Variants in TTC7A observed in about 807,000 individuals in gnomAD.
The protein encoded by TTC7A is tetratricopeptide repeat protein 7A.
Under a neutral mutation model 103.7 loss-of-function variants are expected in TTC7A, and 110 were observed. The observed-to-expected ratio is 1.06, with a 90% CI of 0.91 to 1.24. The LOEUF is 1.24. TTC7A is among the 50% of genes most tolerant of loss of function. The probability of loss-of-function intolerance (pLI) is 0.00; values close to 1 mark genes in which losing one functional copy is unlikely to be tolerated. For synonymous variants in TTC7A, 521 were observed against 467.9 expected (o/e 1.11, Z -1.47); for missense variants, 1,340 against 1,116.3 (o/e 1.20, Z -2.86).
chr2:47,066,022 C>A (rs1489615510), intron 19 of TTC7A: 1 of 152,184 alleles, frequency 6.6e-6, no homozygotes, highest in Non-Finnish European at 1.5e-5. Context: ...GTCAGGCACC[C>A]CAGCAGTAGT....
rs1403225634 is a variant in TTC7A at position 46,956,856 on chromosome 2, G to A, written c.366G>A (p.Glu122=). Residue 122 remains glutamate, a synonymous_variant, in exon 3 of 20, where the codon GAG becomes GAA. Coordinates refer to ENST00000319190, the MANE Select transcript of TTC7A (RefSeq NM_020458.4). The part of the protein sequence containing the change: ...HGRLSPQYMC[E]AMLILGKLHY... ...CATTTCAGCCACAGTACATGTGTGA[G>A]GCCATGCTGATCCTGGGCAAACTGC... The A allele has an allele frequency of 1.9e-6, 3 of 1,614,218 alleles. No homozygotes were observed. Among genetic ancestry groups the A allele is most frequent in the Admixed American group, 1.7e-5 (1 of 60,026 alleles).
intron 2 of TTC7A, among the ~76,000 whole-genome samples, chr2:46,923,528 G>A (rs762447333): frequency 3.9e-5 from 6 of 152,222 alleles, no homozygotes; most frequent in Non-Finnish European, 5.9e-5. Flanking sequence ...CTAGCCATAT[G>A]TGAAAGTATC....
chr2:47,008,261 C>A (rs1036405011), intron 10 of TTC7A, among the ~76,000 whole-genome samples: 16 of 152,188 alleles, frequency 1.1e-4, no homozygotes, highest in African/African-American at 3.9e-4. Context: ...TCCTGGACTC[C>A]TTTCAGGAGG....
At chr2:46,929,512 T>C (rs747255793) in intron 2 of TTC7A, among the ~76,000 whole-genome samples, 3 of 152,050 alleles carry the variant, frequency 2.0e-5, no homozygotes, top group Non-Finnish European at 4.4e-5. Context: ...AAGAAATAAA[T>C]AGCTCTTCTA....
chr2:47,018,474 C>G (rs13416044), intron 11 of TTC7A, among the ~76,000 whole-genome samples: 3,390 of 151,222 alleles, frequency 0.022, 141 homozygotes, highest in African/African-American at 0.078. Context: ...GTTCCAGCTA[C>G]TTGGGAGGCT....
At chr2:47,052,256 C>G (rs1439543743) in intron 18 of TTC7A, among the ~76,000 whole-genome samples, 1 of 152,214 alleles carries the variant, frequency 6.6e-6, no homozygotes, top group Non-Finnish European at 1.5e-5. Context: ...GGAGGAAAGA[C>G]TGGTAACTTT....
intron 1 of TTC7A, among the ~76,000 whole-genome samples, chr2:46,948,482 A>G (rs1053640780): frequency 1.3e-5 from 2 of 152,212 alleles, no homozygotes; most frequent in African/African-American, 2.4e-5. Flanking sequence ...TTTAAAAGTC[A>G]TGAGGTACAT....
chr2:47,029,139 G>A, intron 14 of TTC7A, 85 bp from the exon 15 acceptor site: 3 of 1,508,138 alleles, frequency 2.0e-6, no homozygotes, highest in Non-Finnish European at 2.7e-6. Context: ...TTGAGTGTGA[G>A]TGCCCTTGTT....
At chr2:46,962,313 C>T (rs1007861240) in intron 3 of TTC7A, among the ~76,000 whole-genome samples, 3 of 152,218 alleles carry the variant, frequency 2.0e-5, no homozygotes, top group African/African-American at 7.2e-5. Context: ...GTTCAGCCTG[C>T]AACATCGTCT....
chr2:46,956,811 C>A (rs920220498), intron 2 of TTC7A, 28 bp from the exon 3 acceptor site: 2 of 1,612,514 alleles, frequency 1.2e-6, no homozygotes, highest in Admixed American at 3.3e-5. Flanking sequence ...TTGGGGCAGG[C>A]GCTGGTAACA....
At chr2:46,979,584 A>C (rs1159294767) in intron 5 of TTC7A, among the ~76,000 whole-genome samples, 1 of 152,062 alleles carries the variant, frequency 6.6e-6, no homozygotes, top group African/African-American at 2.4e-5. Flanking sequence ...TGCCTTGTTG[A>C]ATAGTCGAGG....
At chr2:47,004,684 G>A (rs572040094) in intron 8 of TTC7A, among the ~76,000 whole-genome samples, 48 of 151,924 alleles carry the variant, frequency 3.2e-4, no homozygotes, top group Non-Finnish European at 4.6e-4. Context: ...GAGAAGGGAG[G>A]ATGCTGGGGG....
At position 47,029,510 on chromosome 2, in the gene TTC7A, A is replaced by G. The variant is rs972294332; in HGVS notation, c.1802+126A>G. On this transcript the variant is annotated intron_variant, in intron 15 of 19. Transcript: ENST00000319190. ...GAAGTAAGCACCCGCTGCATGCACA[A>G]TCCCTGGTGGAGAGACAGGGGTGAG... 9.4e-6 allele frequency: 10 copies of G among 1,066,998 alleles called. No homozygotes were observed. In the African/African-American group the frequency reaches 1.4e-4, roughly 15 times the overall value. The allele number at this position is 1,066,998 out of a possible 1,614,324, so 66.1% of individuals were successfully genotyped here. A position where few individuals can be genotyped will look rare whatever the true frequency, so the allele number is the denominator to read the frequency against.
At position 46,975,123 on chromosome 2, in the gene TTC7A, G is replaced by T; in HGVS notation, c.648+20G>T. On this transcript the variant is annotated intron_variant, in intron 4 of 19. Coordinates refer to ENST00000319190, the MANE Select transcript of TTC7A (RefSeq NM_020458.4). The stretch of plus-strand genomic sequence containing the variant: ...GAGAAGGTGAGCTGGAAATAACACC[G>T]TGGTAGGAGCTGCTCTCTATTGAGC... 6.2e-7 allele frequency: 1 copy of T among 1,612,218 alleles called. No homozygotes were observed.
At position 47,024,350 on chromosome 2, in the gene TTC7A, C is replaced by T. The variant is rs766943905; in HGVS notation, c.1632C>T (p.Leu544=). ...TCTATGTCTCGCTGCAGCTGGCCCTCGTCCGACAGGTGGGTTGTCCGTGTT... is the reference window on the plus strand; with the variant it reads ...TCTATGTCTCGCTGCAGCTGGCCCTTGTCCGACAGGTGGGTTGTCCGTGTT... ...VILYVSLQLA[L]VRQISSAMEQ... The change falls in exon 14 of 20, where the codon CTC becomes CTT. Residue 544 remains leucine (L), a synonymous_variant. Transcript: ENST00000319190. 5 of 1,606,120 alleles carry T rather than the reference C, an allele frequency of 3.1e-6. No individual in the cohort carries two copies. Among genetic ancestry groups the T allele is most frequent in the Non-Finnish European group, 4.2e-6 (5 of 1,176,502 alleles).
chr2:46,965,208 C>T (rs577728971), intron 3 of TTC7A, among the ~76,000 whole-genome samples: 2 of 152,368 alleles, frequency 1.3e-5, no homozygotes, highest in East Asian at 3.9e-4. Flanking sequence ...ATTCTGCTGT[C>T]ACCTGGAATT....
Position 46,995,163 on chromosome 2 carries a change from G to A in TTC7A, c.1029G>A (p.Glu343=). 1 of 1,614,196 alleles carries A rather than the reference G, an allele frequency of 6.2e-7. No homozygotes were observed. The highest frequency in any genetic ancestry group is 2.2e-5 in the East Asian group (1 of 44,884). ...DNLYCPKDNI[E]EALLLLLISE... ...TCTACTGCCCCAAGGACAACATCGA[G>A]GAAGCCCTCCTGCTCCTCCTCATCA... Residue 343 remains glutamate, a synonymous_variant, in exon 8 of 20, where the codon GAG becomes GAA. Transcript: ENST00000319190.
intron 2 of TTC7A, among the ~76,000 whole-genome samples, chr2:46,917,942 T>A (rs1398840736): frequency 1.3e-5 from 2 of 152,256 alleles, no homozygotes; most frequent in Non-Finnish European, 2.9e-5. Flanking sequence ...ATTATCAAAG[T>A]GTCCAGGGTT....
chr2:47,047,044 G>C, intron 16 of TTC7A: 1 of 529,820 alleles, frequency 1.9e-6, no homozygotes, highest in South Asian at 2.5e-5. Context: ...TCATGGGCCA[G>C]AGCAGGGCAC....
Sources: gnomAD v4.1 joint callset for allele counts (sites outside exome capture counted in the v4.1 genomes callset) on GRCh38, gnomAD v4.1.1 for gene constraint, MANE v1.5 for transcripts, NCBI Gene and HGNC (gene_info 2026-07-23, HGNC 2026-07-21) for gene names.